The following DLG2 variants were observed in gnomAD, a reference collection of about 807,000 sequenced individuals.
DLG2 encodes the protein disks large homolog 2.
DLG2 carries 45 observed loss-of-function variants against 132.5 expected under a neutral mutation model. The observed-to-expected ratio is 0.34, with a 90% CI of 0.27 to 0.44. The LOEUF (loss-of-function observed/expected upper bound fraction) is 0.44. DLG2 is among the 20% of genes least tolerant of loss of function. DLG2 has a pLI of 1.00. For missense variants in DLG2, 1,045 were observed against 1,196.9 expected (o/e 0.87, Z 1.87); for synonymous variants, 424 against 419.6 (o/e 1.01, Z -0.13).
chr11:85,505,556 C>A (rs1467242141), intron 3 of DLG2, among the ~76,000 whole-genome samples: 1 of 152,096 alleles, frequency 6.6e-6, no homozygotes, highest in Non-Finnish European at 1.5e-5. Flanking sequence ...GCCTTGCATC[C>A]CAGAGCTGAA....
intron 17 of DLG2, among the ~76,000 whole-genome samples, chr11:83,812,740 A>G (rs1404857716): frequency 1.3e-5 from 2 of 152,168 alleles, no homozygotes; most frequent in African/African-American, 4.8e-5. Context: ...AAGGACAGAC[A>G]AGAAAGAGCA....
intron 7 of DLG2, among the ~76,000 whole-genome samples, chr11:84,467,361 TAAGATA>T (rs1352533264): frequency 1.3e-5 from 2 of 151,432 alleles, no homozygotes; most frequent in African/African-American, 4.8e-5. Context: ...AATAACATTT[TAAGATA>T]ATGAAAGAAA....
chr11:84,660,177 C>A (rs12789551), intron 6 of DLG2, among the ~76,000 whole-genome samples: 1 of 151,992 alleles, frequency 6.6e-6, no homozygotes, highest in Admixed American at 6.6e-5. Context: ...CAGTGTTAGA[C>A]GATCCAATGG....
chr11:85,006,131 GTT>G (rs1283233705), intron 6 of DLG2, among the ~76,000 whole-genome samples: 2 of 152,106 alleles, frequency 1.3e-5, no homozygotes, highest in Non-Finnish European at 2.9e-5. Flanking sequence ...TTTGCCCATA[GTT>G]TATTGAGGAT....
intron 6 of DLG2, among the ~76,000 whole-genome samples, chr11:84,814,064 AG>A (rs1400800371): frequency 6.6e-6 from 1 of 152,130 alleles, no homozygotes; most frequent in Non-Finnish European, 1.5e-5. Flanking sequence ...ATTATGAAAA[AG>A]TAACCTCTTA....
At chr11:85,576,352 A>G (rs560452868) in intron 3 of DLG2, among the ~76,000 whole-genome samples, 1 of 152,328 alleles carries the variant, frequency 6.6e-6, no homozygotes, top group East Asian at 1.9e-4. Context: ...ATGCAATAGC[A>G]TAATTAACCT....
intron 7 of DLG2, among the ~76,000 whole-genome samples, chr11:84,404,515 T>C (rs2098841741): frequency 6.6e-6 from 1 of 152,162 alleles, no homozygotes; most frequent in Admixed American, 6.5e-5. Flanking sequence ...TTATTTCCTA[T>C]TGGACCCACA....
At chr11:85,488,324 G>C (rs1402499575) in intron 3 of DLG2, among the ~76,000 whole-genome samples, 2 of 151,876 alleles carry the variant, frequency 1.3e-5, no homozygotes, top group African/African-American at 4.8e-5. Context: ...AAGAGGCAGA[G>C]GTTGCAGTGA....
intron 6 of DLG2, among the ~76,000 whole-genome samples, chr11:84,668,840 G>A (rs1004538035): frequency 1.3e-4 from 19 of 151,934 alleles, no homozygotes; most frequent in South Asian, 2.1e-4. Context: ...ATTTTCATGC[G>A]AAGAAGACAC....
chr11:84,436,916 G>C (rs934260994), intron 7 of DLG2, among the ~76,000 whole-genome samples: 5 of 152,168 alleles, frequency 3.3e-5, no homozygotes, highest in Non-Finnish European at 5.9e-5. Context: ...CAACGTTACT[G>C]AGAGTCCCAG....
At chr11:84,396,976 T>A (rs1302835444) in intron 7 of DLG2, among the ~76,000 whole-genome samples, 1 of 152,230 alleles carries the variant, frequency 6.6e-6, no homozygotes, top group East Asian at 1.9e-4. Context: ...GTCACGTGCA[T>A]GAATGTCCTT....
intron 15 of DLG2, among the ~76,000 whole-genome samples, chr11:83,901,947 G>T (rs1565565859): frequency 6.6e-6 from 1 of 151,972 alleles, no homozygotes; most frequent in African/African-American, 2.4e-5. Context: ...GATATAGTAG[G>T]TACTCAATTA....
chr11:85,432,991 A>T (rs2091277283), intron 3 of DLG2, among the ~76,000 whole-genome samples: 1 of 152,236 alleles, frequency 6.6e-6, no homozygotes, highest in Non-Finnish European at 1.5e-5. Flanking sequence ...CCTATAAGCA[A>T]GAAGAAAGTG....
rs575191104 is a variant in DLG2, at chr11:84,600,074, G to C, written c.358-65343C>G. On this transcript the variant is annotated intron_variant, in intron 6 of 27. Transcript: ENST00000376104. ...CCACTGCATTCCAGCCTGGGCCACA[G>C]AGTGACACCTTGAAAAAAAAAAAGT... Among the ~76,000 whole-genome samples the C allele has an allele frequency of 3.6e-5, 5 of 138,334 alleles. No individual in the cohort carries two copies. The East Asian group carries it at 8.2e-4, about 23-fold the overall frequency. The allele number at this position is 138,334 out of a possible 152,430, so 90.8% of individuals were successfully genotyped here.
chr11:83,843,575 T>C (rs1481519830), intron 16 of DLG2, among the ~76,000 whole-genome samples: 2 of 151,602 alleles, frequency 1.3e-5, no homozygotes, highest in African/African-American at 4.9e-5. Flanking sequence ...AGGCTGAGCA[T>C]ATAAGAGACA....
At chr11:85,436,477 A>C (rs536614006) in intron 3 of DLG2, among the ~76,000 whole-genome samples, 33 of 152,214 alleles carry the variant, frequency 2.2e-4, no homozygotes, top group African/African-American at 7.9e-4. Context: ...AAAACAAACA[A>C]CTCCATTCAA....
chr11:84,461,776 G>T (rs1166929327), intron 7 of DLG2, among the ~76,000 whole-genome samples: 1 of 150,668 alleles, frequency 6.6e-6, no homozygotes, highest in South Asian at 2.1e-4. Context: ...TCAGAATGGA[G>T]AAAGGTGCCA....
intron 3 of DLG2, among the ~76,000 whole-genome samples, chr11:85,319,716 T>C (rs1213163057): frequency 2.0e-5 from 3 of 151,956 alleles, no homozygotes; most frequent in Admixed American, 6.6e-5. Flanking sequence ...GCACCATTCC[T>C]GGAGAATGTT....
chr11:84,284,228 C>CT (rs1271853474), intron 7 of DLG2, among the ~76,000 whole-genome samples: 1 of 152,164 alleles, frequency 6.6e-6, no homozygotes, highest in African/African-American at 2.4e-5. Flanking sequence ...GAGTGAAACT[C>CT]TGTCTCAAAA....
Sources: allele counts gnomAD v4.1 joint callset (sites outside exome capture counted in the v4.1 genomes callset), GRCh38; gene constraint gnomAD v4.1.1; transcripts MANE v1.5; gene names NCBI Gene and HGNC (gene_info 2026-07-23, HGNC 2026-07-21).